KDM5A: variants seen among roughly 807,000 people sequenced by gnomAD.
KDM5A encodes the protein lysine-specific demethylase 5A.
Under a neutral mutation model 193.5 loss-of-function variants are expected in KDM5A, and 42 were observed. The ratio of observed to expected loss-of-function variants is 0.22; its 90% CI spans 0.17 to 0.28. The LOEUF (loss-of-function observed/expected upper bound fraction) is 0.28, where lower values mean the gene tolerates loss of function less well. KDM5A is among the 10% of genes least tolerant of loss of function. The probability of loss-of-function intolerance (pLI) is 1.00; values close to 1 mark genes in which losing one functional copy is unlikely to be tolerated. For synonymous variants in KDM5A, 796 were observed against 718.1 expected, an observed-to-expected ratio of 1.11 and a Z score of -1.73; for missense variants, 1,692 against 2,055.1, an observed-to-expected ratio of 0.82 and a Z score of 3.42.
chr12:310,489 C>A (rs1292428883), intron 21 of KDM5A, among the ~76,000 whole-genome samples: 1 of 152,022 alleles, frequency 6.6e-6, no homozygotes, highest in Non-Finnish European at 1.5e-5. Context: ...AAAAAATTAG[C>A]CAGGCATGGT....
At position 292,742 on chromosome 12, in the gene KDM5A, A is replaced by G. The variant is rs772656004; in HGVS notation, c.4866+17T>C. On this transcript the variant is annotated intron_variant, in intron 27 of 27. Transcript: ENST00000399788. Reference sequence around the variant, plus strand: ...TCCTTGACCTCTCATGCTTGACTATAAACAGTTGGAACTCACCTTGTCCTT... The same window carrying G: ...TCCTTGACCTCTCATGCTTGACTATGAACAGTTGGAACTCACCTTGTCCTT... The G allele has an allele frequency of 3.7e-6, 6 of 1,614,042 alleles. No homozygotes were observed. The highest frequency in any genetic ancestry group is 8.5e-7 in the Non-Finnish European group (1 of 1,180,004).
intron 14 of KDM5A, 114 bp from the exon 15 acceptor site, chr12:323,895 T>C (rs1943752238): frequency 1.2e-6 from 1 of 832,728 alleles, no homozygotes; most frequent in Non-Finnish European, 2.1e-6. Flanking sequence ...GGTATAAACA[T>C]GAAAGGTACA....
At chr12:331,971 TA>T in intron 12 of KDM5A, 33 bp from the exon 13 acceptor site, 2 of 1,600,106 alleles carry the variant, frequency 1.2e-6, no homozygotes, top group Non-Finnish European at 1.7e-6. Flanking sequence ...GATACAAAAA[TA>T]AAAAATAAAA....
At chr12:287,072 G>A (rs3782854) in intron 27 of KDM5A, among the ~76,000 whole-genome samples, 10,412 of 152,020 alleles carry the variant, frequency 0.068, 786 homozygotes, top group East Asian at 0.34. Flanking sequence ...CACTGCCCAG[G>A]ATACTGGAGG....
chr12:379,514 A>G (rs1054130286), intron 3 of KDM5A, among the ~76,000 whole-genome samples: 3 of 152,352 alleles, frequency 2.0e-5, no homozygotes, highest in South Asian at 2.1e-4. Context: ...AAATTTGTGC[A>G]TTACACTGTA....
intron 10 of KDM5A, among the ~76,000 whole-genome samples, chr12:339,068 C>T (rs1364067551): frequency 4.0e-5 from 6 of 151,848 alleles, no homozygotes; most frequent in African/African-American, 1.4e-4. Context: ...ATCCCAGCTA[C>T]TCGGGAGGCT....
At chr12:344,100 C>T (rs747110654) in intron 10 of KDM5A, among the ~76,000 whole-genome samples, 5 of 152,030 alleles carry the variant, frequency 3.3e-5, no homozygotes, top group African/African-American at 1.2e-4. Context: ...AACCATGGGA[C>T]GAGAACTTCA....
intron 24 of KDM5A, among the ~76,000 whole-genome samples, chr12:301,649 A>G (rs1943442277): frequency 6.6e-6 from 1 of 152,340 alleles, no homozygotes; most frequent in Middle Eastern, 3.4e-3. Context: ...CACCACTCCT[A>G]TTCAACACAG....
intron 10 of KDM5A, among the ~76,000 whole-genome samples, chr12:347,275 TG>T (rs1207369947): frequency 1.3e-5 from 2 of 152,116 alleles, no homozygotes; most frequent in African/African-American, 4.8e-5. Flanking sequence ...ACACAGCAAA[TG>T]GAAGAATATT....
chr12:318,073 T>C (rs1348185723), intron 19 of KDM5A, 33 bp downstream of exon 19: 2 of 1,490,288 alleles, frequency 1.3e-6, no homozygotes, highest in African/African-American at 2.8e-5. Flanking sequence ...GACTTAGTTG[T>C]TAAAGAGGCA....
chr12:355,463 G>A lies in KDM5A; in HGVS notation c.779-214C>T, dbSNP rs989272632. On this transcript the variant is annotated intron_variant, in intron 6 of 27. Coordinates refer to ENST00000399788, the MANE Select transcript of KDM5A (RefSeq NM_001042603.3). ...AAATCATACAGCAAGGCAAATTTAA[G>A]ATTCTAATCCAGTCACGTAAGATCC... 2.0e-5 allele frequency among the ~76,000 whole-genome samples: 3 copies of A among 152,152 alleles called. No individual in the cohort carries two copies. In the South Asian group the frequency reaches 6.2e-4, roughly 32 times the overall value.
At chr12:347,877 C>T (rs1303195821) in intron 10 of KDM5A, among the ~76,000 whole-genome samples, 1 of 152,118 alleles carries the variant, frequency 6.6e-6, no homozygotes, top group African/African-American at 2.4e-5. Context: ...ACTAAAACAC[C>T]AAAAGCAATG....
intron 8 of KDM5A, 72 bp from the exon 9 acceptor site, chr12:352,396 T>TA (rs2137451797): frequency 7.3e-7 from 1 of 1,378,822 alleles, no homozygotes; most frequent in East Asian, 2.3e-5. Flanking sequence ...TCTTAGTTAC[T>TA]AAATTCTTTG....
chr12:352,090 C>G (rs1475630975), intron 9 of KDM5A, 115 bp downstream of exon 9: 1 of 901,138 alleles, frequency 1.1e-6, no homozygotes, highest in Non-Finnish European at 1.6e-6. Context: ...GGCGACAAAG[C>G]AAGACTCCGT....
chr12:388,664 G>C, intron 1 of KDM5A: 1 of 562,938 alleles, frequency 1.8e-6, no homozygotes, highest in Non-Finnish European at 3.2e-6. Flanking sequence ...CTAACGAAAG[G>C]CTTTAGGCCC....
At chr12:350,852 A>G (rs1004622605) in intron 9 of KDM5A, 73 bp from the exon 10 acceptor site, 1 of 1,340,738 alleles carries the variant, frequency 7.5e-7, no homozygotes, top group African/African-American at 1.4e-5. Flanking sequence ...AATACACAGG[A>G]TCAAGTAAAC....
At chr12:303,606 A>G (rs565232032) in intron 24 of KDM5A, among the ~76,000 whole-genome samples, 2 of 152,124 alleles carry the variant, frequency 1.3e-5, no homozygotes, top group Admixed American at 1.3e-4. Flanking sequence ...ATACCTATGT[A>G]GCAAACCTGT....
At position 280,077 on chromosome 12, in the gene KDM5A, T is replaced by A. The variant is rs761475708; in HGVS notation, c.*5379A>T. On this transcript the variant is annotated 3_prime_UTR_variant, in exon 28 of 28. Transcript: ENST00000399788. ...TTAAGGAAATATTAAATCAAGTCTT[T>A]CTTCCTACCAAAGTAGAAATACACT... 3.1e-4 allele frequency: 68 copies of A among 219,736 alleles called. No homozygotes were observed. Among genetic ancestry groups the A allele is most frequent in the Middle Eastern group, 1.4e-3 (1 of 734 alleles). 13.6% of individuals were successfully genotyped at this position (219,736 alleles called of 1,614,324 possible).
chr12:354,660 G>A (rs1565544082), intron 7 of KDM5A, among the ~76,000 whole-genome samples: 2 of 152,096 alleles, frequency 1.3e-5, no homozygotes, highest in South Asian at 2.1e-4. Context: ...CCAGCTACTC[G>A]GGAGGCTGAG....
Sources: gnomAD v4.1 joint callset for allele counts (sites outside exome capture counted in the v4.1 genomes callset) on GRCh38, gnomAD v4.1.1 for gene constraint, MANE v1.5 for transcripts, NCBI Gene and HGNC (gene_info 2026-07-23, HGNC 2026-07-21) for gene names.